The following NRXN3 variants were observed in gnomAD, a reference collection of about 807,000 sequenced individuals.
The protein encoded by NRXN3 is neurexin III.
Under a neutral mutation model 137.6 loss-of-function variants are expected in NRXN3, and 32 were observed. That is an observed-to-expected ratio of 0.23 (90% CI 0.18 to 0.31). The LOEUF (loss-of-function observed/expected upper bound fraction) is 0.31. Ranked by LOEUF, NRXN3 falls within the 10% of genes least tolerant of loss-of-function variation. The pLI is 1.00. For synonymous variants in NRXN3, 798 were observed against 784.5 expected (o/e 1.02, Z -0.29); for missense variants, 1,574 against 2,062.5 (o/e 0.76, Z 4.59).
chr14:78,477,535 A>G (rs2095401179), intron 4 of NRXN3, among the ~76,000 whole-genome samples: 1 of 152,206 alleles, frequency 6.6e-6, no homozygotes, highest in Non-Finnish European at 1.5e-5. Flanking sequence ...TCAAAATACA[A>G]TATTGTTTTA....
intron 11 of NRXN3, among the ~76,000 whole-genome samples, chr14:78,963,134 C>T (rs1206438233): frequency 6.6e-6 from 1 of 151,950 alleles, no homozygotes; most frequent in East Asian, 1.9e-4. Context: ...TTATCCACAT[C>T]CACGCTCAGT....
At chr14:79,178,590 AT>A (rs937869982) in intron 15 of NRXN3, among the ~76,000 whole-genome samples, 1 of 152,110 alleles carries the variant, frequency 6.6e-6, no homozygotes, top group East Asian at 1.9e-4. Flanking sequence ...CATGCCCATG[AT>A]TTTTTTCTGT....
At chr14:79,779,124 T>C (rs772914362) in intron 19 of NRXN3, among the ~76,000 whole-genome samples, 5 of 152,228 alleles carry the variant, frequency 3.3e-5, no homozygotes, top group Non-Finnish European at 7.3e-5. Flanking sequence ...GTTGTTGTTT[T>C]CTTTTTGAGA....
intron 15 of NRXN3, among the ~76,000 whole-genome samples, chr14:79,393,790 T>A (rs553925931): frequency 1.3e-5 from 2 of 152,302 alleles, no homozygotes; most frequent in African/African-American, 4.8e-5. Flanking sequence ...CACTCCAGCC[T>A]GGGTGACAGG....
At chr14:78,813,223 A>T (rs1434000257) in intron 10 of NRXN3, among the ~76,000 whole-genome samples, 1 of 152,166 alleles carries the variant, frequency 6.6e-6, no homozygotes, top group Non-Finnish European at 1.5e-5. Flanking sequence ...TGAGTGGAAA[A>T]GTTTGAGAAG....
At chr14:78,559,081 C>A (rs2096764277) in intron 4 of NRXN3, among the ~76,000 whole-genome samples, 1 of 152,198 alleles carries the variant, frequency 6.6e-6, no homozygotes, top group African/African-American at 2.4e-5. Context: ...TTGTAACACA[C>A]TGTCATCAGT....
chr14:78,729,343 A>G (rs760664708), intron 8 of NRXN3, among the ~76,000 whole-genome samples: 3 of 152,198 alleles, frequency 2.0e-5, no homozygotes, highest in Non-Finnish European at 4.4e-5. Context: ...GGGATTAGGT[A>G]CTGTGGGAGG....
chr14:78,985,138 C>T (rs2099499900), intron 14 of NRXN3, among the ~76,000 whole-genome samples: 1 of 152,174 alleles, frequency 6.6e-6, no homozygotes, highest in Non-Finnish European at 1.5e-5. Flanking sequence ...AGATTGCATA[C>T]TTTGCAGAGT....
At chr14:78,380,330 A>T (rs1230387131) in intron 4 of NRXN3, among the ~76,000 whole-genome samples, 31 of 141,024 alleles carry the variant, frequency 2.2e-4, no homozygotes, top group Admixed American at 8.4e-4. Flanking sequence ...AAAAAAAAAG[A>T]TGTGTTTACA....
intron 15 of NRXN3, among the ~76,000 whole-genome samples, chr14:79,212,336 T>C (rs974311739): frequency 6.6e-6 from 1 of 152,232 alleles, no homozygotes; most frequent in Non-Finnish European, 1.5e-5. Context: ...AAATGATTTA[T>C]TCCTCTGTAC....
At chr14:79,408,850 T>C (rs1197461339) in intron 15 of NRXN3, among the ~76,000 whole-genome samples, 2 of 152,104 alleles carry the variant, frequency 1.3e-5, no homozygotes, top group Non-Finnish European at 2.9e-5. Context: ...TAACTACACT[T>C]ATAAGTCAAA....
chr14:78,375,559 A>G (rs1218192903), intron 4 of NRXN3, among the ~76,000 whole-genome samples: 1 of 152,230 alleles, frequency 6.6e-6, no homozygotes, highest in Non-Finnish European at 1.5e-5. Flanking sequence ...CTGAGGATAC[A>G]ATGGTGAACA....
At chr14:79,789,586 T>TCC (rs1555728542) in intron 19 of NRXN3, among the ~76,000 whole-genome samples, 1 of 152,122 alleles carries the variant, frequency 6.6e-6, no homozygotes, top group African/African-American at 2.4e-5. Flanking sequence ...TACTCATGCC[T>TCC]CCCCTTTTTA....
chr14:79,090,161 G>C (rs2048887775), intron 15 of NRXN3, among the ~76,000 whole-genome samples: 2 of 151,998 alleles, frequency 1.3e-5, no homozygotes, highest in Non-Finnish European at 2.9e-5. Context: ...GTTGGCTAAG[G>C]GCTTGTCTTT....
chr14:78,568,961 G>GTTTTTTTTTTTTTTTTTTT (rs34485878), intron 4 of NRXN3, among the ~76,000 whole-genome samples: 7 of 103,748 alleles, frequency 6.7e-5, no homozygotes, highest in African/African-American at 2.0e-4. Flanking sequence ...GACTTTGCAG[G>GTTTTTTTTTTTTTTTTTTT]TTTTTTTTTT....
intron 19 of NRXN3, among the ~76,000 whole-genome samples, chr14:79,771,260 C>T (rs878907425): frequency 2.0e-5 from 3 of 152,170 alleles, no homozygotes; most frequent in South Asian, 4.1e-4. Flanking sequence ...AGGGAATCCT[C>T]CCTAACTCAT....
At chr14:79,001,274 T>C (rs10132970) in intron 15 of NRXN3, among the ~76,000 whole-genome samples, 18,565 of 152,170 alleles carry the variant, frequency 0.12, 3,444 homozygotes, top group African/African-American at 0.4. Context: ...TGAAATCTAC[T>C]GTATGTACTA....
At chr14:79,860,673 A>T (rs1406664160) in intron 20 of NRXN3, among the ~76,000 whole-genome samples, 1 of 152,388 alleles carries the variant, frequency 6.6e-6, no homozygotes, top group African/African-American at 2.4e-5. Context: ...TAAGTTAAGC[A>T]CACAATGTGT....
At chr14:79,646,877 T>C (rs2098455372) in intron 16 of NRXN3, among the ~76,000 whole-genome samples, 1 of 136,090 alleles carries the variant, frequency 7.3e-6, no homozygotes, top group African/African-American at 2.4e-5. Context: ...TGAGACTCCT[T>C]TCTTCTCTTC....
Sources: gnomAD v4.1 joint callset for allele counts (sites outside exome capture counted in the v4.1 genomes callset) on GRCh38, gnomAD v4.1.1 for gene constraint, MANE v1.5 for transcripts, NCBI Gene and HGNC (gene_info 2026-07-23, HGNC 2026-07-21) for gene names.